Variants in DUSP19 observed in about 807,000 individuals in gnomAD.
DUSP19 encodes the protein dual specificity phosphatase 19, also known as dual specificity protein phosphatase 19.
In DUSP19, 14 loss-of-function variants were observed where a neutral mutation model predicts 16.6. That is an observed-to-expected ratio of 0.84 (90% CI 0.56 to 1.32). DUSP19 has a LOEUF of 1.32. Ranked by LOEUF, DUSP19 falls within the 40% of genes most tolerant of loss-of-function variation. DUSP19 has a pLI of 0.00. For missense variants in DUSP19, 258 were observed against 255.9 expected, an observed-to-expected ratio of 1.01 and a Z score of -0.06; for synonymous variants, 81 against 90.5, an observed-to-expected ratio of 0.90 and a Z score of 0.59.
At chr2:183,088,932 T>C (rs1699698116) in intron 3 of DUSP19, among the ~76,000 whole-genome samples, 1 of 152,210 alleles carries the variant, frequency 6.6e-6, no homozygotes, top group Non-Finnish European at 1.5e-5. Context: ...ATATTAACAT[T>C]AGAAGAGATG....
intron 3 of DUSP19, among the ~76,000 whole-genome samples, chr2:183,090,800 G>C (rs946568514): frequency 6.6e-6 from 1 of 152,140 alleles, no homozygotes; most frequent in African/African-American, 2.4e-5. Context: ...GGGCTGGGAG[G>C]GGGCAGCAAA....
At chr2:183,079,258 C>G in intron 1 of DUSP19, 99 bp downstream of exon 1, 1 of 1,195,840 alleles carries the variant, frequency 8.4e-7, no homozygotes, top group Non-Finnish European at 1.2e-6. Context: ...TATCAGCTAT[C>G]CTGCCGAAAA....
intron 2 of DUSP19, among the ~76,000 whole-genome samples, chr2:183,084,804 G>T (rs182419861): frequency 6.6e-6 from 1 of 152,204 alleles, no homozygotes; most frequent in Non-Finnish European, 1.5e-5. Flanking sequence ...AGCTATTGCA[G>T]TAATCTAAGG....
chr2:183,085,597 A>AG (rs1330453257), intron 2 of DUSP19, among the ~76,000 whole-genome samples: 2 of 151,960 alleles, frequency 1.3e-5, no homozygotes, highest in South Asian at 2.1e-4. Flanking sequence ...GAAAAAAAAA[A>AG]AGAGAGAGAG....
intron 3 of DUSP19, among the ~76,000 whole-genome samples, chr2:183,093,764 A>G (rs1476073668): frequency 6.6e-6 from 1 of 152,152 alleles, no homozygotes; most frequent in Non-Finnish European, 1.5e-5. Flanking sequence ...TCAAAAGCCT[A>G]TGTATGCATC....
rs1575100357 is a variant in DUSP19 at position 183,098,361 on chromosome 2, T to C, written c.*2703T>C. 1.3e-5 allele frequency: 2 copies of C among 152,192 alleles called. No individual in the cohort carries two copies. Among genetic ancestry groups the C allele is most frequent in the African/African-American group, 4.8e-5 (2 of 41,454 alleles). The allele number at this position is 152,192 out of a possible 1,614,324, so 9.4% of individuals were successfully genotyped here. ...TGCTGTATTAAAATAGATCAATGAA[T>C]ATAATTCAGTCTTTTAGGGGCACCA... On this transcript the variant is annotated 3_prime_UTR_variant, in exon 4 of 4. Coordinates refer to ENST00000354221, the MANE Select transcript of DUSP19 (RefSeq NM_080876.4).
In DUSP19 at chr2:183,098,904, G is replaced by C. The variant is rs1365458398; in HGVS notation, c.*3246G>C. On this transcript the variant is annotated 3_prime_UTR_variant, in exon 4 of 4. Transcript: ENST00000354221. ...CAATATTCTTCTTAGATTTTTGGAG[G>C]CAAAATTTAGACCAGTATACTAATT... The C allele has an allele frequency of 6.6e-6, 1 of 152,104 alleles. No individual in the cohort carries two copies. Among genetic ancestry groups the C allele is most frequent in the Non-Finnish European group, 1.5e-5 (1 of 67,988 alleles). 9.4% of individuals were successfully genotyped at this position (152,104 alleles called of 1,614,324 possible).
At chr2:183,091,464 A>G (rs1699731375) in intron 3 of DUSP19, among the ~76,000 whole-genome samples, 1 of 152,210 alleles carries the variant, frequency 6.6e-6, no homozygotes. Flanking sequence ...TCTTGGGTCC[A>G]AATACCCACT....
At chr2:183,085,155 G>A (rs1175971681) in intron 2 of DUSP19, among the ~76,000 whole-genome samples, 2 of 152,040 alleles carry the variant, frequency 1.3e-5, no homozygotes, top group South Asian at 2.1e-4. Flanking sequence ...TATAGATTTA[G>A]GAATCTTCAG....
chr2:183,094,879 T>C (rs1020504846), intron 3 of DUSP19, among the ~76,000 whole-genome samples: 5 of 152,200 alleles, frequency 3.3e-5, no homozygotes, highest in African/African-American at 1.2e-4. Flanking sequence ...TCTGGAGTAT[T>C]TCTGGCTTTC....
At chr2:183,081,702 G>C (rs1699594397) in intron 1 of DUSP19, among the ~76,000 whole-genome samples, 1 of 152,098 alleles carries the variant, frequency 6.6e-6, no homozygotes, top group Non-Finnish European at 1.5e-5. Flanking sequence ...ATACCATTCA[G>C]CTTTAACAAA....
chr2:183,082,419 C>CTTTTT (rs71008260), intron 1 of DUSP19, among the ~76,000 whole-genome samples: 40 of 84,818 alleles, frequency 4.7e-4, no homozygotes, highest in Middle Eastern at 0.01. Flanking sequence ...GAACATTTTT[C>CTTTTT]TTTTTTTTTT....
At chr2:183,088,620 A>T (rs1699694506) in intron 3 of DUSP19, among the ~76,000 whole-genome samples, 1 of 151,640 alleles carries the variant, frequency 6.6e-6, no homozygotes, top group African/African-American at 2.4e-5. Context: ...ACAGGGTTTC[A>T]CCGTGTTGCC....
chr2:183,086,891 C>G (rs983098151), intron 2 of DUSP19, 149 bp from the exon 3 acceptor site: 82 of 653,876 alleles, frequency 1.3e-4, no homozygotes, highest in Non-Finnish European at 2.0e-4. Flanking sequence ...AGGAGCACTT[C>G]TGGTGTGGGA....
intron 3 of DUSP19, among the ~76,000 whole-genome samples, chr2:183,091,661 G>A (rs910756500): frequency 6.6e-6 from 1 of 152,190 alleles, no homozygotes; most frequent in Non-Finnish European, 1.5e-5. Context: ...AAGTTACAAA[G>A]TTATACTTCT....
chr2:183,094,308 G>A (rs556554080), intron 3 of DUSP19, among the ~76,000 whole-genome samples: 2 of 152,244 alleles, frequency 1.3e-5, no homozygotes, highest in African/African-American at 4.8e-5. Context: ...ATAATCCAAT[G>A]AGTCATAACA....
chr2:183,079,217 A>C, intron 1 of DUSP19, 58 bp downstream of exon 1: 611 of 1,495,368 alleles, frequency 4.1e-4, no homozygotes, highest in Non-Finnish European at 5.1e-4. Context: ...TTACGTTCTC[A>C]TTTTCCCCCT....
At chr2:183,079,621 A>ACG (rs1320047923) in intron 1 of DUSP19, among the ~76,000 whole-genome samples, 1 of 152,134 alleles carries the variant, frequency 6.6e-6, no homozygotes, top group African/African-American at 2.4e-5. Context: ...TGCGGAATAC[A>ACG]TGCCTCCTGT....
At position 183,087,097 on chromosome 2, in the gene DUSP19, A is replaced by G. The variant is rs568697756; in HGVS notation, c.331A>G (p.Thr111Ala). 471 of 1,613,218 alleles carry G rather than the reference A, an allele frequency of 2.9e-4. 7 individuals are homozygous for G. The South Asian group carries it at 4.0e-3, about 14-fold the overall frequency. Residue 111 changes from threonine to alanine, a missense_variant, in exon 3 of 4, where the codon ACA (threonine) becomes GCA (alanine). Transcript: ENST00000354221. ...TGAAAATGCTTTCCTCAGTGACTTT[A>G]CATATAAGAGCATTTCTATATTGGA... Reference protein sequence around the residue: ...GVENAFLSDFTYKSISILDLP... With the variant: ...GVENAFLSDFAYKSISILDLP...
Sources: gnomAD v4.1 joint callset for allele counts (sites outside exome capture counted in the v4.1 genomes callset) on GRCh38, gnomAD v4.1.1 for gene constraint, MANE v1.5 for transcripts, NCBI Gene and HGNC (gene_info 2026-07-23, HGNC 2026-07-21) for gene names.